RUNDC3B: variants seen among roughly 807,000 people sequenced by gnomAD.
RUNDC3B encodes the protein RUN domain-containing protein 3B.
In RUNDC3B, 33 loss-of-function variants were observed where a neutral mutation model predicts 58.4. That is an observed-to-expected ratio of 0.56 (90% CI 0.43 to 0.75). RUNDC3B has a LOEUF of 0.75. Among genes scored for constraint, RUNDC3B ranks in the 30% least tolerant of loss-of-function variants. RUNDC3B has a pLI of 0.00. For synonymous variants in RUNDC3B, 193 were observed against 195.2 expected (o/e 0.99, Z 0.10); for missense variants, 501 against 535.7 (o/e 0.94, Z 0.64).
chr7:87,807,257 C>T (rs1215773756), intron 8 of RUNDC3B, 116 bp from the exon 9 acceptor site: 2 of 869,466 alleles, frequency 2.3e-6, no homozygotes, highest in Admixed American at 2.2e-5. Flanking sequence ...TGTTCACAAT[C>T]TATTAACAAA....
At chr7:87,690,952 A>C (rs1331997747) in intron 2 of RUNDC3B, among the ~76,000 whole-genome samples, 1 of 152,150 alleles carries the variant, frequency 6.6e-6, no homozygotes, top group Admixed American at 6.5e-5. Context: ...GAGAGAGAAA[A>C]TAGAATAAAT....
intron 4 of RUNDC3B, among the ~76,000 whole-genome samples, chr7:87,721,339 G>A (rs928226965): frequency 6.6e-6 from 1 of 151,758 alleles, no homozygotes; most frequent in African/African-American, 2.4e-5. Context: ...TAGAATGAAG[G>A]GGGTAACATG....
intron 8 of RUNDC3B, among the ~76,000 whole-genome samples, chr7:87,801,512 C>G (rs1250141097): frequency 1.3e-5 from 2 of 152,112 alleles, no homozygotes; most frequent in East Asian, 3.9e-4. Flanking sequence ...AATCTCAACA[C>G]TTTGGGTGGC....
rs192093007 is a variant in RUNDC3B, at chr7:87,720,789, A to G, written c.458+10134A>G. Among the ~76,000 whole-genome samples the G allele has an allele frequency of 1.1e-4, 16 of 151,554 alleles. No homozygotes were observed. The South Asian group carries it at 1.5e-3, about 14-fold the overall frequency. ...CTAATTTTTTGTATTTTTAGTAGAG[A>G]CAGGGTTTCACCATGTCAGTCAGGA... On this transcript the variant is annotated intron_variant, in intron 4 of 10. Transcript: ENST00000394654.
intron 2 of RUNDC3B, among the ~76,000 whole-genome samples, chr7:87,687,177 A>G (rs867732124): frequency 1.3e-5 from 2 of 152,134 alleles, no homozygotes; most frequent in Non-Finnish European, 2.9e-5. Context: ...ATATTTGTGT[A>G]CAGCTAGTTT....
chr7:87,778,411 C>G (rs1390068895), intron 8 of RUNDC3B, among the ~76,000 whole-genome samples: 1 of 149,984 alleles, frequency 6.7e-6, no homozygotes, highest in African/African-American at 2.5e-5. Flanking sequence ...CCACAGCACT[C>G]CACTCTGGCT....
At chr7:87,724,298 A>G (rs1831086075) in intron 4 of RUNDC3B, among the ~76,000 whole-genome samples, 4 of 152,180 alleles carry the variant, frequency 2.6e-5, no homozygotes, top group Admixed American at 2.6e-4. Flanking sequence ...GAAGCAGGTT[A>G]TAAGACCAGG....
At chr7:87,637,920 A>G (rs1346714779) in intron 1 of RUNDC3B, among the ~76,000 whole-genome samples, 1 of 152,000 alleles carries the variant, frequency 6.6e-6, no homozygotes, top group East Asian at 1.9e-4. Flanking sequence ...ACTGGCTAGG[A>G]CCACTAATGC....
intron 8 of RUNDC3B, among the ~76,000 whole-genome samples, chr7:87,783,587 G>A (rs564119517): frequency 2.0e-5 from 3 of 151,960 alleles, no homozygotes; most frequent in South Asian, 2.1e-4. Flanking sequence ...TTTTAGTCTC[G>A]ATAGGGTCTG....
chr7:87,645,571 G>A (rs1822919318), intron 1 of RUNDC3B, among the ~76,000 whole-genome samples: 1 of 151,952 alleles, frequency 6.6e-6, no homozygotes, highest in Admixed American at 6.6e-5. Context: ...GATATTTTTA[G>A]ACATTCATCA....
chr7:87,757,857 C>G (rs1001230057), intron 6 of RUNDC3B, among the ~76,000 whole-genome samples: 3 of 152,084 alleles, frequency 2.0e-5, no homozygotes, highest in African/African-American at 2.4e-5. Context: ...ATCCATGCAT[C>G]TATAGTAAAC....
At chr7:87,802,965 A>G (rs186126669) in intron 8 of RUNDC3B, among the ~76,000 whole-genome samples, 291 of 152,320 alleles carry the variant, frequency 1.9e-3, no homozygotes, top group Middle Eastern at 6.8e-3. Context: ...ACCCTGGGTG[A>G]CAGATTGAGA....
intron 4 of RUNDC3B, among the ~76,000 whole-genome samples, chr7:87,725,334 T>C (rs948692560): frequency 6.6e-6 from 1 of 152,182 alleles, no homozygotes; most frequent in African/African-American, 2.4e-5. Flanking sequence ...AGTGAGAACA[T>C]GCGGTGTTTG....
intron 8 of RUNDC3B, among the ~76,000 whole-genome samples, chr7:87,791,003 G>A (rs952795724): frequency 1.3e-5 from 2 of 152,066 alleles, no homozygotes; most frequent in African/African-American, 2.4e-5. Flanking sequence ...AGAACACCAG[G>A]CAGATTTAAC....
chr7:87,715,997 A>G (rs2130764057), intron 4 of RUNDC3B, among the ~76,000 whole-genome samples: 1 of 152,298 alleles, frequency 6.6e-6, no homozygotes, highest in Middle Eastern at 3.4e-3. Flanking sequence ...GCAATTTGCA[A>G]AGAGGAAGAG....
chr7:87,751,054 G>A (rs1832951303), intron 6 of RUNDC3B, among the ~76,000 whole-genome samples: 1 of 152,210 alleles, frequency 6.6e-6, no homozygotes, highest in Non-Finnish European at 1.5e-5. Context: ...ATTGATTTTT[G>A]TATAAGGTGT....
At chr7:87,773,081 T>C (rs1834371991) in intron 7 of RUNDC3B, among the ~76,000 whole-genome samples, 1 of 152,066 alleles carries the variant, frequency 6.6e-6, no homozygotes, top group Non-Finnish European at 1.5e-5. Flanking sequence ...CCCAGCACTT[T>C]GGGAGGCCGA....
At chr7:87,715,105 T>C (rs1211909368) in intron 4 of RUNDC3B, among the ~76,000 whole-genome samples, 1 of 149,416 alleles carries the variant, frequency 6.7e-6, no homozygotes, top group Non-Finnish European at 1.5e-5. Flanking sequence ...TTGACTTAAG[T>C]AAAAGGCAGC....
At chr7:87,731,197 T>C (rs1831556777) in intron 4 of RUNDC3B, among the ~76,000 whole-genome samples, 1 of 152,000 alleles carries the variant, frequency 6.6e-6, no homozygotes, top group African/African-American at 2.4e-5. Context: ...TCCACAGGCA[T>C]CAAGACCATC....
Sources: gnomAD v4.1 joint callset for allele counts (sites outside exome capture counted in the v4.1 genomes callset) on GRCh38, gnomAD v4.1.1 for gene constraint, MANE v1.5 for transcripts, NCBI Gene and HGNC (gene_info 2026-07-23, HGNC 2026-07-21) for gene names.